The following DMD variants were observed in gnomAD, a reference collection of about 807,000 sequenced individuals.
The protein encoded by DMD is dystrophin.
DMD carries 63 observed loss-of-function variants against 330.1 expected under a neutral mutation model. The ratio of observed to expected loss-of-function variants is 0.19; its 90% CI spans 0.16 to 0.24. The LOEUF is 0.24. DMD is among the 10% of genes least tolerant of loss of function. DMD has a pLI of 1.00. For missense variants in DMD, 3,344 were observed against 2,684.1 expected (o/e 1.25, Z -5.43); for synonymous variants, 1,223 against 959.8 (o/e 1.27, Z -5.07).
At chrX:33,031,958 T>C (rs949755969) in intron 1 of DMD, among the ~76,000 whole-genome samples, 5 of 112,153 alleles carry the variant, frequency 4.5e-5, no homozygotes, top group Non-Finnish European at 7.5e-5. Flanking sequence ...TAAGTGCCAA[T>C]AGAGATCAGT....
At chrX:32,055,879 A>G (rs1306872626) in intron 44 of DMD, among the ~76,000 whole-genome samples, 1 of 111,435 alleles carries the variant, frequency 9.0e-6, no homozygotes, top group Non-Finnish European at 1.9e-5. Context: ...GGAGGCTGCT[A>G]TACTGAGTTT....
chrX:31,957,350 A>G, intron 45 of DMD, among the ~76,000 whole-genome samples: 1 of 112,179 alleles, frequency 8.9e-6, no homozygotes, highest in Middle Eastern at 4.6e-3. Context: ...GCATTTGGAA[A>G]GGAATGTCTG....
At chrX:32,263,710 A>G in intron 43 of DMD, among the ~76,000 whole-genome samples, 1 of 111,775 alleles carries the variant, frequency 8.9e-6, no homozygotes, top group African/African-American at 3.2e-5. Context: ...CGACAAAAGA[A>G]GATGAAAATG....
intron 61 of DMD, among the ~76,000 whole-genome samples, chrX:31,347,384 T>C (rs182341857): frequency 2.7e-5 from 3 of 111,436 alleles, no homozygotes; most frequent in Non-Finnish European, 5.7e-5. Context: ...CCACCCTCTC[T>C]TTATCTCCCC....
intron 7 of DMD, among the ~76,000 whole-genome samples, chrX:32,753,529 A>G (rs189225226): frequency 1.8e-5 from 2 of 111,869 alleles, no homozygotes; most frequent in East Asian, 5.7e-4. Flanking sequence ...ATAGTAAGCC[A>G]CACAGGGAGT....
chrX:31,673,700 T>C (rs2081936009), intron 53 of DMD, among the ~76,000 whole-genome samples: 1 of 112,174 alleles, frequency 8.9e-6, no homozygotes, highest in Non-Finnish European at 1.9e-5. Flanking sequence ...CATTATATTT[T>C]CAAGCACGGG....
At chrX:31,295,627 C>A (rs1372637526) in intron 62 of DMD, among the ~76,000 whole-genome samples, 1 of 111,584 alleles carries the variant, frequency 9.0e-6, no homozygotes, top group African/African-American at 3.3e-5. Context: ...GTTGGTCAGG[C>A]TGGTCTCGAA....
intron 37 of DMD, among the ~76,000 whole-genome samples, chrX:32,356,408 T>C (rs984072510): frequency 2.1e-5 from 2 of 93,412 alleles, no homozygotes; most frequent in Admixed American, 1.2e-4. Flanking sequence ...AAAAAAAAAC[T>C]TGGTAATTTA....
In DMD at chrX:32,252,655, A is replaced by T. The variant is rs770303935; in HGVS notation, c.6290+34874T>A. On this transcript the variant is annotated intron_variant, in intron 43 of 78. Transcript: ENST00000357033. ...GTATATATAAATATATATAAATACA[A>T]ATATATAAATATATATATATAAATA... Among the ~76,000 whole-genome samples, 133 of 29,833 alleles carry T rather than the reference A, an allele frequency of 4.5e-3. 14 individuals carry two copies. The East Asian group carries it at 0.26, about 58-fold the overall frequency. 25.9% of individuals were successfully genotyped at this position (29,833 alleles called of 115,157 possible).
At chrX:32,139,792 TA>T (rs890009745) in intron 44 of DMD, among the ~76,000 whole-genome samples, 2 of 112,358 alleles carry the variant, frequency 1.8e-5, no homozygotes, top group Non-Finnish European at 3.8e-5. Flanking sequence ...TATTTCACAA[TA>T]AAAAAATCTT....
intron 25 of DMD, among the ~76,000 whole-genome samples, chrX:32,455,200 C>G (rs1419413775): frequency 1.8e-5 from 2 of 111,023 alleles, no homozygotes; most frequent in Non-Finnish European, 3.8e-5. Flanking sequence ...TCTTTGTGTT[C>G]TTTCATAATG....
At chrX:32,495,066 G>A (rs780427791) in intron 19 of DMD, among the ~76,000 whole-genome samples, 7 of 111,350 alleles carry the variant, frequency 6.3e-5, no homozygotes, top group Non-Finnish European at 1.1e-4. Flanking sequence ...ATAAAGAAAC[G>A]AAAACATTTC....
chrX:32,530,285 G>A (rs2047358503), intron 17 of DMD, among the ~76,000 whole-genome samples: 1 of 112,259 alleles, frequency 8.9e-6, no homozygotes, highest in Non-Finnish European at 1.9e-5. Context: ...TGCCAAAAAT[G>A]TCTGAGTTAT....
At chrX:32,514,306 T>A (rs1426515939) in intron 18 of DMD, among the ~76,000 whole-genome samples, 1 of 108,346 alleles carries the variant, frequency 9.2e-6, no homozygotes, top group African/African-American at 3.4e-5. Flanking sequence ...TCGACTAAAG[T>A]AGGAGATGAA....
intron 55 of DMD, among the ~76,000 whole-genome samples, chrX:31,510,701 G>GATGT: frequency 9.2e-6 from 1 of 109,100 alleles, no homozygotes; most frequent in Non-Finnish European, 1.9e-5. Context: ...AGTAGAAACA[G>GATGT]GGTTTCACCA....
intron 61 of DMD, among the ~76,000 whole-genome samples, chrX:31,336,428 C>A (rs776686390): frequency 1.8e-5 from 2 of 112,079 alleles, no homozygotes; most frequent in African/African-American, 6.5e-5. Flanking sequence ...ATTTCTGTTG[C>A]GCAAAGCTTT....
chrX:32,394,898 G>A (rs1406636436), intron 30 of DMD, among the ~76,000 whole-genome samples: 3 of 18,522 alleles, frequency 1.6e-4, no homozygotes, highest in Non-Finnish European at 3.3e-4. Context: ...GGTCAAAGAA[G>A]AGCAAAAAAC....
At chrX:31,999,421 AT>A (rs748290792) in intron 44 of DMD, among the ~76,000 whole-genome samples, 2 of 112,173 alleles carry the variant, frequency 1.8e-5, no homozygotes, top group South Asian at 7.3e-4. Context: ...TACCATTTGA[AT>A]TTAGTTTTAG....
chrX:32,360,772 G>A (rs186829418), intron 37 of DMD, among the ~76,000 whole-genome samples: 89 of 101,027 alleles, frequency 8.8e-4, no homozygotes, highest in African/African-American at 3.2e-3. Flanking sequence ...GGGCAACAGA[G>A]AGAGTCTCCA....
Sources: allele counts gnomAD v4.1 joint callset (sites outside exome capture counted in the v4.1 genomes callset), GRCh38; gene constraint gnomAD v4.1.1; transcripts MANE v1.5; gene names NCBI Gene and HGNC (gene_info 2026-07-23, HGNC 2026-07-21).